Variants in ACSS2 observed in about 807,000 individuals in gnomAD.
ACSS2 encodes the protein acyl-CoA synthetase short chain family member 2.
ACSS2 carries 58 observed loss-of-function variants against 90.6 expected under a neutral mutation model. The ratio of observed to expected loss-of-function variants is 0.64; its 90% CI spans 0.52 to 0.80. ACSS2 has a LOEUF of 0.80. ACSS2 is among the 30% of genes least tolerant of loss of function. The probability of loss-of-function intolerance (pLI) is 0.00; values close to 1 mark genes in which losing one functional copy is unlikely to be tolerated. For missense variants in ACSS2, 759 were observed against 912.0 expected, an observed-to-expected ratio of 0.83 and a Z score of 2.16; for synonymous variants, 300 against 330.9, an observed-to-expected ratio of 0.91 and a Z score of 1.01.
intron 2 of ACSS2, among the ~76,000 whole-genome samples, chr20:34,885,012 C>T (rs2080155743): frequency 6.6e-6 from 1 of 152,072 alleles, no homozygotes; most frequent in South Asian, 2.1e-4. Context: ...CCAGCCTGGG[C>T]AACATGGCAA....
intron 16 of ACSS2, among the ~76,000 whole-genome samples, chr20:34,926,549 T>C (rs1259910194): frequency 1.3e-5 from 2 of 152,210 alleles, no homozygotes; most frequent in Non-Finnish European, 2.9e-5. Flanking sequence ...TAGAGTCACC[T>C]CCATGAAACA....
intron 2 of ACSS2, among the ~76,000 whole-genome samples, chr20:34,884,579 A>G (rs771941390): frequency 4.6e-4 from 70 of 152,334 alleles, no homozygotes; most frequent in Non-Finnish European, 8.4e-4. Context: ...AAAACACTGT[A>G]TAGGTGTGAG....
At chr20:34,885,047 A>G (rs572792004) in intron 2 of ACSS2, among the ~76,000 whole-genome samples, 3 of 152,146 alleles carry the variant, frequency 2.0e-5, no homozygotes, top group African/African-American at 7.2e-5. Context: ...ATAAAAGACA[A>G]AAATTAGCTG....
At position 34,919,592 on chromosome 20, in the gene ACSS2, TG is replaced by T; in HGVS notation, c.972+21del. On this transcript the variant is annotated intron_variant, in intron 8 of 17. Coordinates refer to ENST00000360596, the MANE Select transcript of ACSS2 (RefSeq NM_018677.4). The stretch of plus-strand genomic sequence containing the variant: ...CCCAAGGCAAGTGTGTGTGTGTGTG[TG>T]TGTGTGTGTGTGTGTGTGTGTGTGT... 1 of 1,558,506 alleles carries T rather than the reference TG, an allele frequency of 6.4e-7. No individual in the cohort carries two copies.
chr20:34,915,857 G>A (rs2081066887), intron 7 of ACSS2, among the ~76,000 whole-genome samples: 1 of 152,182 alleles, frequency 6.6e-6, no homozygotes, highest in South Asian at 2.1e-4. Flanking sequence ...GATTAGTATC[G>A]AGGAAAGAGT....
Position 34,921,339 on chromosome 20 carries a change from G to A in ACSS2, c.1287G>A (p.Arg429=), listed in dbSNP as rs778138544. ...FGDEPVTKHS[R]ASLQVLGTVG... is the part of the protein sequence containing the mutation. Reference sequence around the variant, plus strand: ...CATTCCCCTGCCCCAGGCATAGCCGGGCATCCTTGCAGGTGTTAGGCACAG... The same window carrying A: ...CATTCCCCTGCCCCAGGCATAGCCGAGCATCCTTGCAGGTGTTAGGCACAG... Residue 429 remains arginine (R), a synonymous_variant, in exon 11 of 18, where the codon CGG becomes CGA. Coordinates refer to ENST00000360596, the MANE Select transcript of ACSS2 (RefSeq NM_018677.4). 1 of 1,614,158 alleles carries A rather than the reference G, an allele frequency of 6.2e-7. No homozygotes were observed. The highest frequency in any genetic ancestry group is 8.5e-7 in the Non-Finnish European group (1 of 1,180,018).
At chr20:34,906,427 A>G (rs946590629) in intron 2 of ACSS2, among the ~76,000 whole-genome samples, 2 of 151,040 alleles carry the variant, frequency 1.3e-5, no homozygotes, top group Non-Finnish European at 3.0e-5. Flanking sequence ...CCAACCAGCC[A>G]GGGGCCCCAG....
At position 34,927,182 on chromosome 20, in the gene ACSS2, C is replaced by T; in HGVS notation, c.2074C>T (p.Leu692Phe). 1.2e-6 allele frequency: 2 copies of T among 1,614,052 alleles called. No individual in the cohort carries two copies. The change falls in exon 18 of 18, where the codon CTC becomes TTC. Residue 692 changes from leucine (L) to phenylalanine (F), a missense_variant. Physicochemically the swap from Leu to Phe is conservative, Grantham distance 22. Coordinates refer to ENST00000360596, the MANE Select transcript of ACSS2 (RefSeq NM_018677.4). This position sits in a 1 kb window ranked among gnomAD's most constrained non-coding sequence, Gnocchi z 4.2. ...GGCTGACCCATCTGTCATCAGTCAC[C>T]TCTTCAGCCACCGCTGCCTGACCAT... ...TVADPSVISH[L>F]FSHRCLTIQ
intron 3 of ACSS2, 53 bp downstream of exon 3, chr20:34,913,240 G>A (rs2147075423): frequency 1.3e-6 from 2 of 1,588,726 alleles, no homozygotes; most frequent in Non-Finnish European, 1.7e-6. Context: ...GGGTATCTGA[G>A]TATCTGAGAC....
chr20:34,899,160 G>T (rs2080559759), intron 2 of ACSS2, among the ~76,000 whole-genome samples: 1 of 152,166 alleles, frequency 6.6e-6, no homozygotes, highest in Admixed American at 6.5e-5. Context: ...TCCGTGCGCA[G>T]CCCCGGTTCC....
At chr20:34,917,101 T>A (rs1407157275) in intron 7 of ACSS2, among the ~76,000 whole-genome samples, 2 of 152,128 alleles carry the variant, frequency 1.3e-5, no homozygotes, top group African/African-American at 4.8e-5. Flanking sequence ...ACAAAAGAAA[T>A]AATAAGATTA....
intron 2 of ACSS2, among the ~76,000 whole-genome samples, chr20:34,907,497 C>T (rs936415025): frequency 2.0e-5 from 3 of 152,220 alleles, no homozygotes; most frequent in African/African-American, 7.2e-5. Context: ...CTTGCAGATA[C>T]AGATAAGTCC....
chr20:34,886,694 A>G (rs1002857634), intron 2 of ACSS2, among the ~76,000 whole-genome samples: 1 of 152,186 alleles, frequency 6.6e-6, no homozygotes, highest in African/African-American at 2.4e-5. Flanking sequence ...CCTTTATCAT[A>G]TATTTAATAT....
At chr20:34,918,706 C>T (rs556327519) in intron 7 of ACSS2, among the ~76,000 whole-genome samples, 7 of 152,352 alleles carry the variant, frequency 4.6e-5, no homozygotes, top group African/African-American at 1.7e-4. Context: ...AGTGCTTGGA[C>T]CAAGATCTGT....
chr20:34,908,894 T>C (rs1419835136), intron 2 of ACSS2: 3 of 432,934 alleles, frequency 6.9e-6, no homozygotes, highest in African/African-American at 6.3e-5. Context: ...ACACATCTCT[T>C]GAACCAACAG....
intron 2 of ACSS2, among the ~76,000 whole-genome samples, chr20:34,884,901 C>CA (rs1247550154): frequency 6.7e-6 from 1 of 150,186 alleles, no homozygotes; most frequent in Non-Finnish European, 1.5e-5. Context: ...CTCTATTTCA[C>CA]AAAAAAGAAA....
intron 2 of ACSS2, among the ~76,000 whole-genome samples, chr20:34,899,236 C>G (rs962457481): frequency 1.2e-4 from 19 of 152,208 alleles, no homozygotes; most frequent in Admixed American, 3.9e-4. Flanking sequence ...TTGGCCAGCC[C>G]AGAAAGGGGC....
intron 2 of ACSS2, among the ~76,000 whole-genome samples, chr20:34,903,964 C>T (rs1419221504): frequency 2.6e-5 from 4 of 151,666 alleles, no homozygotes; most frequent in African/African-American, 4.8e-5. Flanking sequence ...CCATGACCCT[C>T]GAATACCTAT....
At chr20:34,876,074 A>C (rs2079899986), upstream of ACSS2, 1 of 152,972 alleles carries the variant, frequency 6.5e-6, no homozygotes, top group Non-Finnish European at 1.5e-5. Flanking sequence ...GGTGATAGTC[A>C]GGACTGTGCA....
Sources: gnomAD v4.1 joint callset for allele counts (sites outside exome capture counted in the v4.1 genomes callset) on GRCh38, gnomAD v4.1.1 for gene constraint, Gnocchi (gnomAD v3.1) non-coding constraint, MANE v1.5 for transcripts, NCBI Gene and HGNC (gene_info 2026-07-23, HGNC 2026-07-21) for gene names.